The following SCAPER variants were observed in gnomAD, a reference collection of about 807,000 sequenced individuals.
SCAPER encodes the protein S phase cyclin A-associated protein in the endoplasmic reticulum.
SCAPER carries 98 observed loss-of-function variants against 182.2 expected under a neutral mutation model. That is an observed-to-expected ratio of 0.54 (90% confidence interval 0.46 to 0.64). SCAPER has a LOEUF of 0.64. SCAPER is among the 30% of genes least tolerant of loss of function. The pLI is 0.00. For missense variants in SCAPER, 1,432 were observed against 1,690.0 expected (o/e 0.85, Z 2.68); for synonymous variants, 605 against 564.6 (o/e 1.07, Z -1.01).
intron 15 of SCAPER, among the ~76,000 whole-genome samples, chr15:76,752,122 A>G (rs1256984897): frequency 2.0e-5 from 3 of 151,886 alleles, no homozygotes; most frequent in African/African-American, 7.2e-5. Flanking sequence ...CAATAAGCAC[A>G]TGAAAAGATG....
At chr15:76,414,941 G>C (rs1252959163) in intron 26 of SCAPER, among the ~76,000 whole-genome samples, 1 of 151,856 alleles carries the variant, frequency 6.6e-6, no homozygotes, top group Non-Finnish European at 1.5e-5. Flanking sequence ...CAATGATTTT[G>C]TAAGCACCTA....
chr15:76,839,996 A>G (rs2069308658), intron 5 of SCAPER, among the ~76,000 whole-genome samples: 2 of 152,236 alleles, frequency 1.3e-5, no homozygotes, highest in South Asian at 4.1e-4. Flanking sequence ...TAATCTAGAG[A>G]TATTCTAAGC....
intron 22 of SCAPER, among the ~76,000 whole-genome samples, chr15:76,582,960 T>C (rs2048368161): frequency 6.6e-6 from 1 of 152,092 alleles, no homozygotes; most frequent in Non-Finnish European, 1.5e-5. Flanking sequence ...AAAAGTCAAA[T>C]CAAAGAGAAT....
At chr15:76,557,995 A>C (rs2046318970) in intron 23 of SCAPER, among the ~76,000 whole-genome samples, 1 of 152,186 alleles carries the variant, frequency 6.6e-6, no homozygotes, top group Admixed American at 6.5e-5. Context: ...TAAAAAAATC[A>C]ATTCAAAATG....
chr15:76,363,597 T>C (rs11638767), intron 29 of SCAPER, among the ~76,000 whole-genome samples: 48,344 of 152,066 alleles, frequency 0.32, 8,178 homozygotes, highest in East Asian at 0.58. Flanking sequence ...ATGTAAATAG[T>C]TAAATTTCAC....
intron 26 of SCAPER, among the ~76,000 whole-genome samples, chr15:76,429,583 T>C (rs994608848): frequency 6.6e-6 from 1 of 152,106 alleles, no homozygotes; most frequent in African/African-American, 2.4e-5. Context: ...GCGGCATTTT[T>C]CCCCTGCCTT....
chr15:76,800,401 G>A (rs1476419729), intron 6 of SCAPER, 37 bp from the exon 7 acceptor site: 4 of 1,232,500 alleles, frequency 3.2e-6, no homozygotes, highest in Non-Finnish European at 4.7e-6. Context: ...TAAATTAACA[G>A]AGAAAAGGGA....
chr15:76,734,619 T>G (rs567034625), intron 15 of SCAPER, among the ~76,000 whole-genome samples: 2 of 152,070 alleles, frequency 1.3e-5, no homozygotes, highest in Non-Finnish European at 2.9e-5. Context: ...TGGCTACGCC[T>G]GTAATGCCAG....
At chr15:76,476,683 TCCCTCCTACCA>T (rs2143008741) in intron 24 of SCAPER, among the ~76,000 whole-genome samples, 1 of 140,560 alleles carries the variant, frequency 7.1e-6, no homozygotes, top group South Asian at 2.3e-4. Flanking sequence ...CCTCAAGTGA[TCCCTCCTACCA>T]CCTAGGCCTC....
intron 21 of SCAPER, among the ~76,000 whole-genome samples, chr15:76,649,307 G>A (rs2054815902): frequency 6.6e-6 from 1 of 152,064 alleles, no homozygotes; most frequent in Non-Finnish European, 1.5e-5. Flanking sequence ...TGGCATGCCT[G>A]TAGTACCAGC....
At chr15:76,677,192 T>G (rs181796325) in intron 20 of SCAPER, among the ~76,000 whole-genome samples, 1 of 152,268 alleles carries the variant, frequency 6.6e-6, no homozygotes, top group Admixed American at 6.5e-5. Context: ...TAATATAATT[T>G]TTAAAATGTG....
chr15:76,691,222 T>C (rs760540680), intron 20 of SCAPER, among the ~76,000 whole-genome samples: 1 of 152,046 alleles, frequency 6.6e-6, no homozygotes, highest in Non-Finnish European at 1.5e-5. Flanking sequence ...TTTACTTTGA[T>C]ATAATTGGAA....
chr15:76,706,839 TAAAA>T (rs1224763030), intron 17 of SCAPER, among the ~76,000 whole-genome samples: 1 of 151,700 alleles, frequency 6.6e-6, no homozygotes, highest in Non-Finnish European at 1.5e-5. Context: ...AATAAATAAA[TAAAA>T]AGAAACAAAC....
At position 76,524,690 on chromosome 15, in the gene SCAPER, T is replaced by G. The variant is rs1419035909; in HGVS notation, c.2839-19716A>C. Among the ~76,000 whole-genome samples, 6 of 19,238 alleles carry G rather than the reference T, an allele frequency of 3.1e-4. 1 individual carries two copies. The highest frequency in any genetic ancestry group is 1.1e-3 in the African/African-American group (6 of 5,312). The allele number at this position is 19,238 out of a possible 152,430, so 12.6% of individuals were successfully genotyped here. ...TCTGGAGTTGTGTTTTTTTGTTCTG[T>G]TTTTTTTTTTTTTTTTTTTTTTTTT... On this transcript the variant is annotated intron_variant, in intron 23 of 31. Transcript: ENST00000563290.
chr15:76,700,196 G>C (rs902708673), intron 20 of SCAPER, among the ~76,000 whole-genome samples: 8 of 152,220 alleles, frequency 5.3e-5, no homozygotes, highest in Non-Finnish European at 1.2e-4. Flanking sequence ...GCCCTGCTGT[G>C]TGCAGGTCTG....
At chr15:76,726,781 G>C (rs749513684) in intron 17 of SCAPER, among the ~76,000 whole-genome samples, 1 of 152,098 alleles carries the variant, frequency 6.6e-6, no homozygotes, top group Non-Finnish European at 1.5e-5. Context: ...CCCTAAAGCA[G>C]TCACATTCAT....
chr15:76,511,135 T>C (rs1362315318), intron 23 of SCAPER, among the ~76,000 whole-genome samples: 1 of 152,094 alleles, frequency 6.6e-6, no homozygotes, highest in Admixed American at 6.5e-5. Context: ...GATAAAAGAC[T>C]ACAAATTTGG....
In SCAPER at chr15:76,771,777, T is replaced by A. The variant is rs779200536; in HGVS notation, c.1213A>T (p.Ile405Leu). 1.9e-6 allele frequency: 3 copies of A among 1,613,216 alleles called. No homozygotes were observed. The highest frequency in any genetic ancestry group is 1.7e-5 in the Admixed American group (1 of 60,022). ...TCTGAAGGGTCCATTTCATTTTCTA[T>A]CCTTGCTTTCTCTGCTGGAAATTTT... ...EEKFPAEKARIENEMDPSDIS... is the reference protein window; with the variant it reads ...EEKFPAEKARLENEMDPSDIS... The change falls in exon 10 of 32, where the codon ATA becomes TTA. Residue 405 changes from isoleucine (I) to leucine (L), a missense_variant. This residue lies in a region of SCAPER where 480 missense variants were observed against 510.2 expected (regional missense o/e 0.94). Transcript: ENST00000563290.
chr15:76,662,283 T>C (rs1044782589), intron 21 of SCAPER, among the ~76,000 whole-genome samples: 2 of 152,128 alleles, frequency 1.3e-5, no homozygotes, highest in Admixed American at 6.6e-5. Context: ...ATGGCACATG[T>C]TTACCTATGT....
Sources: allele counts gnomAD v4.1 joint callset (sites outside exome capture counted in the v4.1 genomes callset), GRCh38; gene constraint gnomAD v4.1.1; regional missense constraint gnomAD v4.1.1; transcripts MANE v1.5; gene names NCBI Gene and HGNC (gene_info 2026-07-23, HGNC 2026-07-21).